The following RSRC1 variants were observed in gnomAD, a reference collection of about 807,000 sequenced individuals.
RSRC1 encodes arginine and serine rich coiled-coil 1.
In RSRC1, 39 loss-of-function variants were observed where a neutral mutation model predicts 49.1. The ratio of observed to expected loss-of-function variants is 0.79; its 90% CI spans 0.61 to 1.04. The LOEUF (loss-of-function observed/expected upper bound fraction) is 1.04. Among genes scored for constraint, RSRC1 ranks in the 50% least tolerant of loss-of-function variants. The pLI is 0.00. For synonymous variants in RSRC1, 143 were observed against 130.8 expected, an observed-to-expected ratio of 1.09 and a Z score of -0.63; for missense variants, 388 against 402.4, an observed-to-expected ratio of 0.96 and a Z score of 0.31.
chr3:158,121,945 C>T (rs1169401392), intron 1 of RSRC1, among the ~76,000 whole-genome samples, 158 bp from the exon 2 acceptor site: 1 of 152,090 alleles, frequency 6.6e-6, no homozygotes, highest in Admixed American at 6.5e-5. Context: ...TTCCAGGTTG[C>T]AGTGAGCAAT....
intron 4 of RSRC1, among the ~76,000 whole-genome samples, chr3:158,210,196 A>T (rs936628490): frequency 6.6e-6 from 1 of 151,506 alleles, no homozygotes; most frequent in Non-Finnish European, 1.5e-5. Flanking sequence ...CATGCTTAGA[A>T]CTCCTTTTAA....
In RSRC1 at chr3:158,198,556, C is replaced by T. The variant is rs147760269; in HGVS notation, c.321-4516C>T. Among the ~76,000 whole-genome samples the T allele has an allele frequency of 8.9e-3, 1,347 of 152,166 alleles. 19 individuals carry two copies. The highest frequency in any genetic ancestry group is 0.031 in the African/African-American group (1,290 of 41,522). On this transcript the variant is annotated intron_variant, in intron 3 of 9. Coordinates refer to ENST00000611884, the MANE Select transcript of RSRC1 (RefSeq NM_001271838.2). ...TATGATGTTAGCTGGTTATTTTGCT[C>T]GTTAGTTGATGCATTTTCTTCCTAG... is the stretch of plus-strand genomic sequence containing the variant.
chr3:158,531,589 A>G (rs1712405259), intron 7 of RSRC1, among the ~76,000 whole-genome samples: 1 of 151,856 alleles, frequency 6.6e-6, no homozygotes, highest in South Asian at 2.1e-4. Flanking sequence ...GTCCTGTAGC[A>G]TAAGCTTCCC....
chr3:158,208,127 T>C (rs540047237), intron 4 of RSRC1, among the ~76,000 whole-genome samples: 1 of 152,280 alleles, frequency 6.6e-6, no homozygotes, highest in South Asian at 2.1e-4. Flanking sequence ...TCTGAAATTT[T>C]ATCAAGAATG....
chr3:158,508,518 T>C (rs894740880), intron 7 of RSRC1, among the ~76,000 whole-genome samples: 1 of 152,030 alleles, frequency 6.6e-6, no homozygotes, highest in African/African-American at 2.4e-5. Context: ...TTTTTTTAAA[T>C]GCATATGTAG....
intron 4 of RSRC1, among the ~76,000 whole-genome samples, chr3:158,207,967 G>T (rs1258075889): frequency 6.6e-6 from 1 of 152,078 alleles, no homozygotes; most frequent in East Asian, 1.9e-4. Context: ...GTCTTATAAT[G>T]TCATAAATTG....
chr3:158,212,593 G>T lies in RSRC1; in HGVS notation c.494+9348G>T, dbSNP rs879473685. Among the ~76,000 whole-genome samples the T allele has an allele frequency of 3.9e-5, 6 of 151,928 alleles. No individual in the cohort carries two copies. In the South Asian group the frequency reaches 6.2e-4, roughly 16 times the overall value. On this transcript the variant is annotated intron_variant, in intron 4 of 9. Coordinates refer to ENST00000611884, the MANE Select transcript of RSRC1 (RefSeq NM_001271838.2). ...TGATATCACCTATTCTGTTGATTTT[G>T]TATATGGTTACAGGGCAGACTACCA...
chr3:158,509,320 G>A (rs1485015226), intron 7 of RSRC1, among the ~76,000 whole-genome samples: 2 of 152,042 alleles, frequency 1.3e-5, no homozygotes, highest in Non-Finnish European at 2.9e-5. Flanking sequence ...TATGTAAAGG[G>A]CATAAAGAAT....
At chr3:158,433,982 T>A (rs1336007270) in intron 6 of RSRC1, among the ~76,000 whole-genome samples, 1 of 151,976 alleles carries the variant, frequency 6.6e-6, no homozygotes, top group African/African-American at 2.4e-5. Context: ...TGTCACTCAT[T>A]CTTAGAGAGT....
intron 3 of RSRC1, among the ~76,000 whole-genome samples, chr3:158,178,242 T>G (rs1424217290): frequency 6.6e-6 from 1 of 152,060 alleles, no homozygotes; most frequent in Non-Finnish European, 1.5e-5. Flanking sequence ...AGGTTCAAGC[T>G]ATTGTCCCAC....
At chr3:158,322,106 G>C (rs1728796454) in intron 5 of RSRC1, among the ~76,000 whole-genome samples, 1 of 151,932 alleles carries the variant, frequency 6.6e-6, no homozygotes, top group African/African-American at 2.4e-5. Flanking sequence ...TTGGCCTGAA[G>C]TACTTACTTC....
At chr3:158,289,618 A>G (rs915889648) in intron 4 of RSRC1, among the ~76,000 whole-genome samples, 2 of 152,220 alleles carry the variant, frequency 1.3e-5, no homozygotes, top group Non-Finnish European at 2.9e-5. Flanking sequence ...GAACTATAGT[A>G]ACATAAGAAT....
intron 6 of RSRC1, among the ~76,000 whole-genome samples, chr3:158,416,406 T>C (rs139861245): frequency 1.0e-3 from 155 of 152,160 alleles, no homozygotes; most frequent in African/African-American, 3.5e-3. Context: ...CTTAAGAAAC[T>C]GGCAGCTTCC....
At chr3:158,142,543 G>A (rs1463069185) in intron 3 of RSRC1, among the ~76,000 whole-genome samples, 4 of 152,190 alleles carry the variant, frequency 2.6e-5, no homozygotes, top group African/African-American at 4.8e-5. Context: ...ATGATGCATA[G>A]TGCCAACACC....
chr3:158,490,112 T>G (rs1332123732), intron 7 of RSRC1, among the ~76,000 whole-genome samples: 1 of 152,116 alleles, frequency 6.6e-6, no homozygotes, highest in Non-Finnish European at 1.5e-5. Context: ...TGAGACAGAG[T>G]CTCACTCTGT....
chr3:158,164,263 A>C (rs1443318612), intron 3 of RSRC1, among the ~76,000 whole-genome samples: 1 of 152,114 alleles, frequency 6.6e-6, no homozygotes, highest in African/African-American at 2.4e-5. Flanking sequence ...GGAGACATCT[A>C]TCATATGTCG....
At chr3:158,207,662 T>TAGATAGATAGACAGACAGAC (rs55689613) in intron 4 of RSRC1, among the ~76,000 whole-genome samples, 8 of 148,948 alleles carry the variant, frequency 5.4e-5, no homozygotes, top group African/African-American at 2.0e-4. Flanking sequence ...GATAGATAGA[T>TAGATAGATAGACAGACAGAC]AGACAGAGAG....
intron 5 of RSRC1, among the ~76,000 whole-genome samples, chr3:158,351,598 A>T (rs974389485): frequency 6.6e-6 from 1 of 152,070 alleles, no homozygotes; most frequent in Admixed American, 6.6e-5. Flanking sequence ...TATTTTGGAC[A>T]ATTTTTTTAA....
intron 6 of RSRC1, among the ~76,000 whole-genome samples, chr3:158,423,381 A>G (rs999394757): frequency 1.3e-5 from 2 of 151,742 alleles, no homozygotes; most frequent in Admixed American, 6.6e-5. Flanking sequence ...AAGATCAGAT[A>G]GTTGTAGATA....
Sources: gnomAD v4.1 joint callset for allele counts (sites outside exome capture counted in the v4.1 genomes callset) on GRCh38, gnomAD v4.1.1 for gene constraint, MANE v1.5 for transcripts, NCBI Gene and HGNC (gene_info 2026-07-23, HGNC 2026-07-21) for gene names.